NCAM1: variants seen among roughly 807,000 people sequenced by gnomAD.
NCAM1 encodes the protein antigen recognized by monoclonal antibody 5.1H11.
Under a neutral mutation model 109.8 loss-of-function variants are expected in NCAM1, and 14 were observed. The ratio of observed to expected loss-of-function variants is 0.13; its 90% CI spans 0.08 to 0.20. The LOEUF is 0.20. Ranked by LOEUF, NCAM1 falls within the 10% of genes least tolerant of loss-of-function variation. The pLI, the probability that NCAM1 is intolerant of heterozygous loss-of-function variation, is 1.00. For missense variants in NCAM1, 774 were observed against 1,109.9 expected (o/e 0.70, Z 4.30); for synonymous variants, 418 against 442.9 (o/e 0.94, Z 0.70).
intron 1 of NCAM1, among the ~76,000 whole-genome samples, chr11:113,100,800 T>C (rs1555091372): frequency 6.6e-6 from 1 of 152,068 alleles, no homozygotes; most frequent in African/African-American, 2.4e-5. Flanking sequence ...AAAACAGGGA[T>C]GTGAAGTTCT....
At chr11:113,065,753 A>G (rs1555084106) in intron 1 of NCAM1, among the ~76,000 whole-genome samples, 1 of 152,218 alleles carries the variant, frequency 6.6e-6, no homozygotes, top group Non-Finnish European at 1.5e-5. Flanking sequence ...GTAACAACAA[A>G]TTATAATATG....
At chr11:113,049,046 C>A (rs1261078245) in intron 1 of NCAM1, among the ~76,000 whole-genome samples, 1 of 152,140 alleles carries the variant, frequency 6.6e-6, no homozygotes, top group Non-Finnish European at 1.5e-5. Flanking sequence ...GTGAACAGAT[C>A]TCACTGTCAG....
chr11:113,065,022 G>T (rs1441713887), intron 1 of NCAM1, among the ~76,000 whole-genome samples: 2 of 152,104 alleles, frequency 1.3e-5, no homozygotes, highest in Non-Finnish European at 2.9e-5. Context: ...TAGGACTGGT[G>T]GGGGGCAGGA....
At chr11:113,142,504 C>T (rs1018648609) in intron 1 of NCAM1, among the ~76,000 whole-genome samples, 9 of 152,126 alleles carry the variant, frequency 5.9e-5, no homozygotes, top group African/African-American at 1.9e-4. Context: ...GCCACACTGC[C>T]TAGGGGACAG....
chr11:113,235,674 G>A (rs1339054982), intron 14 of NCAM1, among the ~76,000 whole-genome samples: 4 of 152,202 alleles, frequency 2.6e-5, no homozygotes, highest in Admixed American at 2.0e-4. Context: ...GCAAAGCCAA[G>A]GGGAAGAGGT....
intron 1 of NCAM1, among the ~76,000 whole-genome samples, chr11:113,193,683 GAGAA>G (rs1385370903): frequency 2.6e-5 from 4 of 152,116 alleles, no homozygotes; most frequent in South Asian, 2.1e-4. Flanking sequence ...GAGAGAAACA[GAGAA>G]AGAGAGAAAG....
intron 1 of NCAM1, among the ~76,000 whole-genome samples, chr11:113,010,038 A>T (rs1236109007): frequency 6.6e-6 from 1 of 152,226 alleles, no homozygotes; most frequent in African/African-American, 2.4e-5. Flanking sequence ...TTGAAAAAAA[A>T]AAAAGAACAG....
At position 113,152,239 on chromosome 11, in the gene NCAM1, C is replaced by T. The variant is rs571480119; in HGVS notation, c.53-50140C>T. On this transcript the variant is annotated intron_variant, in intron 1 of 19. Transcript: ENST00000316851. Reference sequence around the variant, plus strand: ...TACCCCATGTGTGGGGCATCACAGGCCCTGCCTTTGCAAACAAAACCCAGG... The same window carrying T: ...TACCCCATGTGTGGGGCATCACAGGTCCTGCCTTTGCAAACAAAACCCAGG... 5.9e-5 allele frequency among the ~76,000 whole-genome samples: 9 copies of T among 152,330 alleles called. No homozygotes were observed. The South Asian group carries it at 1.9e-3, about 32-fold the overall frequency.
intron 1 of NCAM1, among the ~76,000 whole-genome samples, chr11:113,150,858 A>G (rs1286158708): frequency 6.6e-6 from 1 of 152,204 alleles, no homozygotes; most frequent in African/African-American, 2.4e-5. Context: ...AAGGGGAAAG[A>G]TGAGCTGGGC....
intron 9 of NCAM1, chr11:113,231,053 C>T: frequency 1.3e-6 from 1 of 759,312 alleles, no homozygotes; most frequent in Non-Finnish European, 2.1e-6. Context: ...ACTTCCAGTG[C>T]AGTGGCTCCT....
At chr11:112,981,783 AC>A (rs1266685626) in intron 1 of NCAM1, among the ~76,000 whole-genome samples, 2 of 151,954 alleles carry the variant, frequency 1.3e-5, no homozygotes, top group Non-Finnish European at 2.9e-5. Flanking sequence ...CTTCTTTAAA[AC>A]AAAATTTGTG....
chr11:113,023,664 G>T (rs1296042674), intron 1 of NCAM1, among the ~76,000 whole-genome samples: 2 of 152,164 alleles, frequency 1.3e-5, no homozygotes, highest in Non-Finnish European at 2.9e-5. Context: ...TTGTGTTTGT[G>T]TATCTAAGTC....
chr11:113,242,178 G>A (rs975810168), intron 14 of NCAM1, among the ~76,000 whole-genome samples: 21 of 152,190 alleles, frequency 1.4e-4, no homozygotes, highest in African/African-American at 5.1e-4. Flanking sequence ...TAAATGTGAA[G>A]AACACAAAAC....
chr11:113,183,918 T>C (rs1409257248), intron 1 of NCAM1, among the ~76,000 whole-genome samples: 1 of 152,228 alleles, frequency 6.6e-6, no homozygotes, highest in Non-Finnish European at 1.5e-5. Context: ...AATGTCCTTA[T>C]ATATTTTCTT....
intron 14 of NCAM1, chr11:113,240,777 T>G: frequency 1.2e-6 from 2 of 1,613,358 alleles, no homozygotes; most frequent in Non-Finnish European, 1.7e-6. Flanking sequence ...TTCATTTTTC[T>G]TTCTTCAGCG....
chr11:113,045,930 A>G (rs1451887098), intron 1 of NCAM1, among the ~76,000 whole-genome samples: 3 of 152,160 alleles, frequency 2.0e-5, no homozygotes, highest in African/African-American at 7.2e-5. Context: ...TTGTCATTTA[A>G]AGCTCTGAGG....
chr11:113,004,309 A>C (rs2135024694), intron 1 of NCAM1, among the ~76,000 whole-genome samples: 1 of 152,238 alleles, frequency 6.6e-6, no homozygotes, highest in East Asian at 1.9e-4. Flanking sequence ...CCTGGCCAAG[A>C]TGGTGAAACC....
chr11:112,992,080 A>G (rs1951472607), intron 1 of NCAM1, among the ~76,000 whole-genome samples: 1 of 152,172 alleles, frequency 6.6e-6, no homozygotes, highest in South Asian at 2.1e-4. Flanking sequence ...AAAACGGGAG[A>G]GAGGAGACTG....
chr11:113,184,615 C>T (rs886433616), intron 1 of NCAM1, among the ~76,000 whole-genome samples: 6 of 152,142 alleles, frequency 3.9e-5, no homozygotes, highest in East Asian at 1.9e-4. Context: ...AACAAGAATC[C>T]GCTCTGAGCC....
Sources: allele counts gnomAD v4.1 joint callset (sites outside exome capture counted in the v4.1 genomes callset), GRCh38; gene constraint gnomAD v4.1.1; transcripts MANE v1.5; gene names NCBI Gene and HGNC (gene_info 2026-07-23, HGNC 2026-07-21).